The following UPRT variants were observed in gnomAD, a reference collection of about 807,000 sequenced individuals.
UPRT encodes the protein RP11-311P8.3.
In UPRT, 5 loss-of-function variants were observed where a neutral mutation model predicts 22.6. The observed-to-expected ratio is 0.22, with a 90% CI of 0.12 to 0.47. The LOEUF (loss-of-function observed/expected upper bound fraction) is 0.47, where lower values mean the gene tolerates loss of function less well. Ranked by LOEUF, UPRT falls within the 20% of genes least tolerant of loss-of-function variation. UPRT has a pLI of 0.99. For missense variants in UPRT, 181 were observed against 239.9 expected, an observed-to-expected ratio of 0.75 and a Z score of 1.62; for synonymous variants, 77 against 87.7, an observed-to-expected ratio of 0.88 and a Z score of 0.68.
chrX:75,171,379 G>C (rs1054565405), intron 4 of UPRT, among the ~76,000 whole-genome samples: 1 of 111,585 alleles, frequency 9.0e-6, no homozygotes, highest in Non-Finnish European at 1.9e-5. Context: ...AGACTTTCCA[G>C]TACATTTTGC....
intron 2 of UPRT, chrX:75,294,625 G>A (rs1393591119): frequency 4.1e-6 from 4 of 974,583 alleles, no homozygotes; most frequent in African/African-American, 2.0e-5. Flanking sequence ...TTCATCGTAA[G>A]TATTCTTGGT....
At chrX:75,211,885 C>CATTA (rs2082381204) in intron 4 of UPRT, among the ~76,000 whole-genome samples, 3 of 111,399 alleles carry the variant, frequency 2.7e-5, no homozygotes, top group African/African-American at 9.8e-5. Flanking sequence ...GGTGGGGGAC[C>CATTA]AGCTTAATGC....
chrX:75,277,905 T>TA (rs1196429837), intron 1 of UPRT, among the ~76,000 whole-genome samples: 1 of 111,568 alleles, frequency 9.0e-6, no homozygotes, highest in Non-Finnish European at 1.9e-5. Flanking sequence ...CCTTTATCTT[T>TA]AAAAAATTGT....
intron 4 of UPRT, among the ~76,000 whole-genome samples, chrX:75,233,315 G>T (rs769033198): frequency 9.1e-4 from 101 of 111,451 alleles, no homozygotes; most frequent in African/African-American, 3.2e-3. Context: ...TCTGATTGGT[G>T]TACCTGAAAG....
chrX:75,254,868 C>T (rs751729557), intron 4 of UPRT, among the ~76,000 whole-genome samples: 117 of 107,512 alleles, frequency 1.1e-3, no homozygotes, highest in African/African-American at 3.8e-3. Context: ...CTCCGCTTCC[C>T]GGGTTCACGC....
rs146807218 is a variant in UPRT, at chrX:75,289,905, A to G, written c.387-3567A>G. On this transcript the variant is annotated intron_variant, in intron 1 of 6. Transcript: ENST00000373383. ...TTACCATTGGCCTTGGGAATTTATG[A>G]CAAAGTCCTCAAAAGCAATTGCAGC... 9.5e-3 allele frequency among the ~76,000 whole-genome samples: 1,058 copies of G among 111,723 alleles called. 16 individuals carry two copies. The highest frequency in any genetic ancestry group is 0.032 in the African/African-American group (990 of 30,807).
chrX:75,276,990 C>T (rs1038291456), intron 1 of UPRT, among the ~76,000 whole-genome samples: 2 of 112,101 alleles, frequency 1.8e-5, no homozygotes. Context: ...CTATTCTGGA[C>T]ATTTCATTAT....
intron 4 of UPRT, among the ~76,000 whole-genome samples, chrX:75,178,421 C>T (rs75293831): frequency 3.6e-5 from 4 of 111,911 alleles, no homozygotes; most frequent in South Asian, 3.8e-4. Flanking sequence ...CACCGCTTGG[C>T]GATAGGCGAA....
At chrX:75,245,452 A>G in intron 4 of UPRT, among the ~76,000 whole-genome samples, 1 of 107,051 alleles carries the variant, frequency 9.3e-6, no homozygotes, top group Admixed American at 9.8e-5. Flanking sequence ...TATATACCCA[A>G]AGAAATATAA....
intron 4 of UPRT, among the ~76,000 whole-genome samples, chrX:75,298,053 G>A (rs770457371): frequency 1.7e-4 from 18 of 106,529 alleles, no homozygotes; most frequent in African/African-American, 5.5e-4. Context: ...ATCATAGCTC[G>A]CTGTAACCTC....
Position 75,299,799 on chromosome X carries a change from T to C in UPRT, c.627T>C (p.Ile209=), listed in dbSNP as rs927256284. ...CCATACGAATTGGAAAGATCCTGATTCAGAGTGATGAGGAGACACAAAGAG... is the reference window on the plus strand; with the variant it reads ...CCATACGAATTGGAAAGATCCTGATCCAGAGTGATGAGGAGACACAAAGAG... ...CRSIRIGKIL[I]QSDEETQRAK... The change falls in exon 5 of 7, where the codon ATT becomes ATC. Residue 209 remains isoleucine (I), a synonymous_variant. Transcript: ENST00000373383. 1 of 1,209,662 alleles carries C rather than the reference T, an allele frequency of 8.3e-7. No individual in the cohort carries two copies. Among genetic ancestry groups the C allele is most frequent in the Non-Finnish European group, 1.1e-6 (1 of 895,046 alleles).
At chrX:75,247,048 T>A (rs1176730270) in intron 4 of UPRT, among the ~76,000 whole-genome samples, 4 of 111,923 alleles carry the variant, frequency 3.6e-5, no homozygotes, top group African/African-American at 9.7e-5. Context: ...AAGTTATCCC[T>A]CTTTTAAAAG....
chrX:75,205,829 T>C (rs2082364541), intron 4 of UPRT, among the ~76,000 whole-genome samples: 1 of 111,463 alleles, frequency 9.0e-6, no homozygotes, highest in Non-Finnish European at 1.9e-5. Flanking sequence ...AAGTATCCTG[T>C]ACATAAGGGG....
intron 4 of UPRT, among the ~76,000 whole-genome samples, chrX:75,265,750 G>A (rs1208416902): frequency 9.0e-6 from 1 of 110,932 alleles, no homozygotes. Context: ...GAGGAGGCGA[G>A]GCACTCTGAT....
intron 3 of UPRT, among the ~76,000 whole-genome samples, chrX:75,296,780 G>A (rs952600256): frequency 9.0e-6 from 1 of 111,566 alleles, no homozygotes; most frequent in Non-Finnish European, 1.9e-5. Flanking sequence ...GAAATTACAT[G>A]TTAAAAAAGG....
intron 6 of UPRT, among the ~76,000 whole-genome samples, chrX:75,303,167 T>C (rs928552274): frequency 1.8e-5 from 2 of 111,687 alleles, no homozygotes; most frequent in Admixed American, 9.6e-5. Flanking sequence ...TCAACTTGAG[T>C]ATAAAATAAT....
chrX:75,238,411 T>A (rs2082477325), intron 4 of UPRT, among the ~76,000 whole-genome samples: 1 of 111,663 alleles, frequency 9.0e-6, no homozygotes, highest in Non-Finnish European at 1.9e-5. Context: ...GACAAAAGAA[T>A]TAGACCAACA....
At chrX:75,252,446 C>T (rs2082534307) in intron 4 of UPRT, among the ~76,000 whole-genome samples, 2 of 112,615 alleles carry the variant, frequency 1.8e-5, no homozygotes, top group Admixed American at 9.4e-5. Context: ...AAAAAATGCT[C>T]ATCAACACTG....
At position 75,291,528 on chromosome X, in the gene UPRT, C is replaced by G; in HGVS notation, c.387-1944C>G. The G allele has an allele frequency of 1.3e-5, 3 of 229,995 alleles. No individual in the cohort carries two copies. In the South Asian group the frequency reaches 1.6e-4, roughly 12 times the overall value. 19.0% of individuals were successfully genotyped at this position (229,995 alleles called of 1,213,427 possible). ...GCCTAGCGTTGTGTCTAAAATAGAGCCTCAGAGAATACATGCAGCTTCATT... is the reference window on the plus strand; with the variant it reads ...GCCTAGCGTTGTGTCTAAAATAGAGGCTCAGAGAATACATGCAGCTTCATT... On this transcript the variant is annotated intron_variant, in intron 1 of 6. Transcript: ENST00000373383.
Sources: allele counts gnomAD v4.1 joint callset (sites outside exome capture counted in the v4.1 genomes callset), GRCh38; gene constraint gnomAD v4.1.1; transcripts MANE v1.5; gene names NCBI Gene and HGNC (gene_info 2026-07-23, HGNC 2026-07-21).